Variants in ENOX1 observed in about 807,000 individuals in gnomAD.
The protein encoded by ENOX1 is candidate growth-related and time keeping constitutive hydroquinone (NADH) oxidase.
ENOX1 carries 42 observed loss-of-function variants against 82.5 expected under a neutral mutation model. That is an observed-to-expected ratio of 0.51 (90% confidence interval 0.40 to 0.66). The LOEUF (loss-of-function observed/expected upper bound fraction) is 0.66. ENOX1 is among the 30% of genes least tolerant of loss of function. The pLI, the probability that ENOX1 is intolerant of heterozygous loss-of-function variation, is 0.00. For missense variants in ENOX1, 608 were observed against 811.6 expected, an observed-to-expected ratio of 0.75 and a Z score of 3.05; for synonymous variants, 271 against 282.2, an observed-to-expected ratio of 0.96 and a Z score of 0.40.
intron 2 of ENOX1, among the ~76,000 whole-genome samples, chr13:43,629,233 T>C (rs2083101292): frequency 1.3e-5 from 2 of 152,162 alleles, no homozygotes; most frequent in Admixed American, 1.3e-4. Context: ...GGGCCACAAT[T>C]ATTTCTGTTG....
At chr13:43,317,963 C>A (rs1194316608) in intron 11 of ENOX1, among the ~76,000 whole-genome samples, 1 of 151,872 alleles carries the variant, frequency 6.6e-6, no homozygotes, top group Non-Finnish European at 1.5e-5. Flanking sequence ...CAAGATCATG[C>A]CACTGCACTC....
At chr13:43,781,719 C>A (rs1249510156) in intron 1 of ENOX1, among the ~76,000 whole-genome samples, 2 of 152,144 alleles carry the variant, frequency 1.3e-5, no homozygotes, top group Non-Finnish European at 2.9e-5. Flanking sequence ...CCATGTTGGT[C>A]AGGCTGGTCT....
intron 3 of ENOX1, among the ~76,000 whole-genome samples, chr13:43,456,894 G>C (rs971527830): frequency 7.2e-5 from 11 of 152,108 alleles, no homozygotes; most frequent in African/African-American, 2.2e-4. Context: ...GAATCTGAAG[G>C]CTTTGCTCAG....
intron 2 of ENOX1, among the ~76,000 whole-genome samples, chr13:43,536,097 C>T (rs1301376112): frequency 1.3e-5 from 2 of 152,094 alleles, no homozygotes; most frequent in African/African-American, 4.8e-5. Flanking sequence ...CTATTAAATG[C>T]CATCTTTTTT....
chr13:43,713,830 G>T (rs753271565), intron 1 of ENOX1, among the ~76,000 whole-genome samples: 2,339 of 151,736 alleles, frequency 0.015, 19 homozygotes, highest in Middle Eastern at 0.024. Context: ...CTTGCTAGCG[G>T]TCTATCAATT....
rs1395508668 is a variant in ENOX1, at chr13:43,625,232, TGCTGA to T, written c.-219+42242_-219+42246del. 3.3e-5 allele frequency among the ~76,000 whole-genome samples: 5 copies of T among 152,158 alleles called. No individual in the cohort carries two copies. The South Asian group carries it at 6.2e-4, about 19-fold the overall frequency. On this transcript the variant is annotated intron_variant, in intron 2 of 16. Transcript: ENST00000690772. Reference sequence around the variant, plus strand: ...ATGTTCAGCTTGTATCTTGCAACCTTGCTGAGCTAACTCCAGGATTTTTTTATAGA... The same window carrying T: ...ATGTTCAGCTTGTATCTTGCAACCTTGCTAACTCCAGGATTTTTTTATAGA...
chr13:43,305,215 T>C (rs1304504641), intron 11 of ENOX1, among the ~76,000 whole-genome samples: 3 of 152,096 alleles, frequency 2.0e-5, no homozygotes, highest in Non-Finnish European at 4.4e-5. Context: ...GAGCCTCTTA[T>C]GGTACCAACA....
chr13:43,591,871 C>T (rs2081261028), intron 2 of ENOX1, among the ~76,000 whole-genome samples: 1 of 151,998 alleles, frequency 6.6e-6, no homozygotes, highest in Non-Finnish European at 1.5e-5. Context: ...GGTAACTTTT[C>T]CCATGGAAAC....
chr13:43,621,616 AATCTGCTGTTAATCT>A (rs1433528638), intron 2 of ENOX1, among the ~76,000 whole-genome samples: 1 of 152,224 alleles, frequency 6.6e-6, no homozygotes, highest in Non-Finnish European at 1.5e-5. Flanking sequence ...TCTGCTGAGA[AATCTGCTGTTAATCT>A]GATAGGTTTT....
intron 12 of ENOX1, among the ~76,000 whole-genome samples, chr13:43,275,852 GA>G (rs1271507173): frequency 1.3e-5 from 2 of 152,080 alleles, no homozygotes; most frequent in African/African-American, 4.8e-5. Context: ...CAATACAAAG[GA>G]CTCTTACAAT....
intron 14 of ENOX1, among the ~76,000 whole-genome samples, chr13:43,240,328 G>T (rs1200482015): frequency 6.6e-6 from 1 of 152,110 alleles, no homozygotes; most frequent in African/African-American, 2.4e-5. Context: ...TCTTATAAAA[G>T]GTCTAAAAGA....
chr13:43,634,710 A>G (rs1206115075), intron 2 of ENOX1, among the ~76,000 whole-genome samples: 1 of 152,144 alleles, frequency 6.6e-6, no homozygotes, highest in African/African-American at 2.4e-5. Context: ...TTCTACCAAT[A>G]TGTTTTTATC....
At chr13:43,224,490 CT>C (rs1263493155) in intron 15 of ENOX1, among the ~76,000 whole-genome samples, 1 of 152,196 alleles carries the variant, frequency 6.6e-6, no homozygotes, top group Non-Finnish European at 1.5e-5. Flanking sequence ...ATAAAATTAT[CT>C]TTTCTTTCCC....
rs923033768 is a variant in ENOX1 at position 43,288,855 on chromosome 13, C to T, written c.1446+9491G>A. Among the ~76,000 whole-genome samples, 6 of 151,994 alleles carry T rather than the reference C, an allele frequency of 3.9e-5. No individual in the cohort carries two copies. The East Asian group carries it at 9.6e-4, about 24-fold the overall frequency. ...AGTATTTACATCTTTCATAATGGCT[C>T]TTAAAATTAGTAAAGTTTCAGGATA... On this transcript the variant is annotated intron_variant, in intron 12 of 16. Coordinates refer to ENST00000690772, the MANE Select transcript of ENOX1 (RefSeq NM_001347969.2).
chr13:43,530,640 T>C (rs2078172111), intron 2 of ENOX1, among the ~76,000 whole-genome samples: 1 of 152,126 alleles, frequency 6.6e-6, no homozygotes, highest in South Asian at 2.1e-4. Flanking sequence ...AATATAGTTA[T>C]AGCAACAATT....
chr13:43,335,279 G>C (rs140673787), intron 9 of ENOX1, among the ~76,000 whole-genome samples: 4 of 152,224 alleles, frequency 2.6e-5, no homozygotes, highest in African/African-American at 4.8e-5. Flanking sequence ...AATTTTCTTT[G>C]GTTGGAAAAC....
chr13:43,461,577 T>C (rs2153638256), intron 3 of ENOX1, among the ~76,000 whole-genome samples: 1 of 152,294 alleles, frequency 6.6e-6, no homozygotes, highest in East Asian at 1.9e-4. Flanking sequence ...TCAAGGCAAA[T>C]GACCCCACCG....
At chr13:43,335,059 T>C (rs1005356362) in intron 9 of ENOX1, among the ~76,000 whole-genome samples, 1 of 152,204 alleles carries the variant, frequency 6.6e-6, no homozygotes, top group Non-Finnish European at 1.5e-5. Context: ...GGCTAGACCA[T>C]CCTGAATCTC....
intron 1 of ENOX1, among the ~76,000 whole-genome samples, chr13:43,709,208 GA>G (rs2087523381): frequency 1.3e-5 from 2 of 151,974 alleles, no homozygotes; most frequent in Non-Finnish European, 2.9e-5. Context: ...TTAGTTACCT[GA>G]GAAATGCAAT....
Sources: gnomAD v4.1 joint callset for allele counts (sites outside exome capture counted in the v4.1 genomes callset) on GRCh38, gnomAD v4.1.1 for gene constraint, MANE v1.5 for transcripts, NCBI Gene and HGNC (gene_info 2026-07-23, HGNC 2026-07-21) for gene names.